Variants in CHSY3 observed in about 807,000 individuals in gnomAD.
The protein encoded by CHSY3 is chondroitin sulfate synthase 3.
A neutral mutation model predicts 67.2 loss-of-function variants in CHSY3; 35 were observed. That is an observed-to-expected ratio of 0.52 (90% CI 0.40 to 0.69). The LOEUF (loss-of-function observed/expected upper bound fraction) is 0.69, where lower values mean the gene tolerates loss of function less well. Among genes scored for constraint, CHSY3 ranks in the 30% least tolerant of loss-of-function variants. The pLI is 0.00. For missense variants in CHSY3, 1,069 were observed against 1,138.5 expected, an observed-to-expected ratio of 0.94 and a Z score of 0.88; for synonymous variants, 474 against 434.7, an observed-to-expected ratio of 1.09 and a Z score of -1.12.
chr5:129,928,203 C>G (rs78989116), intron 2 of CHSY3, among the ~76,000 whole-genome samples: 4 of 106,946 alleles, frequency 3.7e-5, no homozygotes, highest in South Asian at 3.6e-4. Flanking sequence ...CCCCACCCCC[C>G]ACCCTGTGAA....
chr5:129,989,973 T>C (rs2149629284), intron 2 of CHSY3, among the ~76,000 whole-genome samples: 1 of 152,256 alleles, frequency 6.6e-6, no homozygotes, highest in Admixed American at 6.5e-5. Flanking sequence ...AGTAAAACTT[T>C]ATTTACTCAA....
Position 130,142,319 on chromosome 5 carries a change from T to C in CHSY3, c.1087-41910T>C, listed in dbSNP as rs76338449. Among the ~76,000 whole-genome samples, 1,056 of 152,304 alleles carry C rather than the reference T, an allele frequency of 6.9e-3. 19 individuals carry two copies. Among genetic ancestry groups the C allele is most frequent in the African/African-American group, 0.025 (1,022 of 41,580 alleles). On this transcript the variant is annotated intron_variant, in intron 2 of 2. Transcript: ENST00000305031. Reference sequence around the variant, plus strand: ...GCAGTGATTATGTATTTAAAATAAATTGTGACTATTTGGTATCTGTTTCAA... The same window carrying C: ...GCAGTGATTATGTATTTAAAATAAACTGTGACTATTTGGTATCTGTTTCAA...
At chr5:130,044,413 G>A (rs143477903) in intron 2 of CHSY3, among the ~76,000 whole-genome samples, 1 of 152,128 alleles carries the variant, frequency 6.6e-6, no homozygotes, top group East Asian at 1.9e-4. Flanking sequence ...TCAGAAGTGT[G>A]GCAGATACAC....
At chr5:130,122,755 A>T (rs1226213503) in intron 2 of CHSY3, among the ~76,000 whole-genome samples, 1 of 152,228 alleles carries the variant, frequency 6.6e-6, no homozygotes, top group African/African-American at 2.4e-5. Flanking sequence ...AGAAAATCTT[A>T]TCGTCAGCCA....
In CHSY3 at chr5:130,164,821, A is replaced by G. The variant is rs1335936304; in HGVS notation, c.1087-19408A>G. Among the ~76,000 whole-genome samples the G allele has an allele frequency of 2.0e-5, 3 of 152,200 alleles. No individual in the cohort carries two copies. In the East Asian group the frequency reaches 5.8e-4, roughly 29 times the overall value. On this transcript the variant is annotated intron_variant, in intron 2 of 2. Coordinates refer to ENST00000305031, the MANE Select transcript of CHSY3 (RefSeq NM_175856.5). ...AAAATTATAATTTGATTAAATAGTG[A>G]GGAAAAAATGGCACCTAGTACCAGG...
At chr5:130,084,527 G>C (rs1046928500) in intron 2 of CHSY3, among the ~76,000 whole-genome samples, 3 of 151,780 alleles carry the variant, frequency 2.0e-5, no homozygotes, top group Non-Finnish European at 4.4e-5. Flanking sequence ...AAGATGTCAG[G>C]CTACAGCTTG....
intron 2 of CHSY3, among the ~76,000 whole-genome samples, chr5:130,097,820 G>A (rs952077304): frequency 3.3e-5 from 5 of 152,048 alleles, no homozygotes; most frequent in Non-Finnish European, 7.4e-5. Context: ...TGGCTAACAC[G>A]GTGAAACCCC....
chr5:130,033,787 T>C (rs1267034329), intron 2 of CHSY3, among the ~76,000 whole-genome samples: 1 of 152,158 alleles, frequency 6.6e-6, no homozygotes, highest in Non-Finnish European at 1.5e-5. Flanking sequence ...AAAAAAACTT[T>C]TGGCTTAATA....
At chr5:130,033,439 T>C (rs1764757017) in intron 2 of CHSY3, among the ~76,000 whole-genome samples, 1 of 152,046 alleles carries the variant, frequency 6.6e-6, no homozygotes, top group African/African-American at 2.4e-5. Context: ...ACTGTTGGGG[T>C]CCCCTGATCC....
chr5:129,993,386 G>T (rs531555759), intron 2 of CHSY3, among the ~76,000 whole-genome samples: 2 of 152,134 alleles, frequency 1.3e-5, no homozygotes, highest in Admixed American at 6.5e-5. Flanking sequence ...TATGAGTCTG[G>T]GTACTCCTGT....
At chr5:129,956,689 A>C (rs1206587625) in intron 2 of CHSY3, among the ~76,000 whole-genome samples, 3 of 152,162 alleles carry the variant, frequency 2.0e-5, no homozygotes, top group African/African-American at 7.2e-5. Flanking sequence ...ATGGCTAGCC[A>C]GTTATCCCAG....
intron 2 of CHSY3, among the ~76,000 whole-genome samples, chr5:130,063,707 T>C (rs1337306804): frequency 3.9e-5 from 6 of 152,266 alleles, no homozygotes; most frequent in African/African-American, 1.4e-4. Flanking sequence ...TGGAGGTTGA[T>C]AAGTCGAAGA....
At chr5:130,137,276 T>G (rs958264322) in intron 2 of CHSY3, among the ~76,000 whole-genome samples, 1 of 152,202 alleles carries the variant, frequency 6.6e-6, no homozygotes, top group African/African-American at 2.4e-5. Flanking sequence ...TTCCTACAAC[T>G]CTTTTCCTTT....
chr5:130,143,870 C>T (rs1356133997), intron 2 of CHSY3, among the ~76,000 whole-genome samples: 1 of 120,990 alleles, frequency 8.3e-6, no homozygotes, highest in East Asian at 2.6e-4. Context: ...ATATTGGATA[C>T]TGCCAAACTA....
intron 2 of CHSY3, among the ~76,000 whole-genome samples, chr5:130,020,396 G>A (rs989659819): frequency 1.4e-5 from 2 of 142,080 alleles, no homozygotes; most frequent in African/African-American, 5.3e-5. Flanking sequence ...CTCCAACCTG[G>A]GCAACAAAGC....
At chr5:130,100,596 T>C (rs893450427) in intron 2 of CHSY3, among the ~76,000 whole-genome samples, 1 of 152,134 alleles carries the variant, frequency 6.6e-6, no homozygotes, top group Non-Finnish European at 1.5e-5. Context: ...CAAATTTAGG[T>C]CCCTTAGTGA....
chr5:129,920,834 T>C (rs1760898348), intron 2 of CHSY3, among the ~76,000 whole-genome samples: 1 of 152,054 alleles, frequency 6.6e-6, no homozygotes, highest in Non-Finnish European at 1.5e-5. Flanking sequence ...TTCTTTTTTA[T>C]TTAAGACTGT....
chr5:130,007,186 TA>T (rs1271548337), intron 2 of CHSY3, among the ~76,000 whole-genome samples: 3 of 152,218 alleles, frequency 2.0e-5, no homozygotes, highest in Non-Finnish European at 4.4e-5. Flanking sequence ...CCAATATTTT[TA>T]AAAAGTGAAG....
chr5:129,927,629 G>A (rs530914278), intron 2 of CHSY3, among the ~76,000 whole-genome samples: 8 of 151,928 alleles, frequency 5.3e-5, no homozygotes, highest in Non-Finnish European at 8.8e-5. Flanking sequence ...AATGCATTTC[G>A]TTGTATTTCA....
Sources: allele counts gnomAD v4.1 joint callset (sites outside exome capture counted in the v4.1 genomes callset), GRCh38; gene constraint gnomAD v4.1.1; transcripts MANE v1.5; gene names NCBI Gene and HGNC (gene_info 2026-07-23, HGNC 2026-07-21).